The following HOMER1 variants were observed in gnomAD, a reference collection of about 807,000 sequenced individuals.
HOMER1 encodes the protein homer protein homolog 1.
Under a neutral mutation model 48.9 loss-of-function variants are expected in HOMER1, and 3 were observed. That is an observed-to-expected ratio of 0.06 (90% confidence interval 0.03 to 0.16). The LOEUF is 0.16. Among genes scored for constraint, HOMER1 ranks in the 10% least tolerant of loss-of-function variants. The pLI is 1.00. For missense variants in HOMER1, 247 were observed against 411.4 expected (o/e 0.60, Z 3.46); for synonymous variants, 134 against 146.4 (o/e 0.92, Z 0.61).
Position 79,441,495 on chromosome 5 carries a change from G to A in HOMER1, c.388-2346C>T, listed in dbSNP as rs1446400568. On this transcript the variant is annotated intron_variant, in intron 4 of 8. Coordinates refer to ENST00000334082, the MANE Select transcript of HOMER1 (RefSeq NM_004272.5). ...GGGGAGAAAGAAAGGGATAGAGGTT[G>A]TAGCAATTCCAACATCTCAAAGCAG... is the stretch of plus-strand genomic sequence containing the variant. 2.6e-5 allele frequency among the ~76,000 whole-genome samples: 4 copies of A among 152,156 alleles called. No individual in the cohort carries two copies. In the East Asian group the frequency reaches 7.7e-4, roughly 29 times the overall value.
chr5:79,383,678 C>T (rs1035019178), intron 8 of HOMER1, among the ~76,000 whole-genome samples: 39 of 152,160 alleles, frequency 2.6e-4, no homozygotes, highest in African/African-American at 8.5e-4. Context: ...GCCACCTCGC[C>T]TGGCCTACAG....
At chr5:79,409,607 A>G (rs1182193906) in intron 5 of HOMER1, among the ~76,000 whole-genome samples, 7 of 152,198 alleles carry the variant, frequency 4.6e-5, no homozygotes, top group African/African-American at 7.2e-5. Context: ...AATCCATGGA[A>G]AGAGAGAAAA....
At chr5:79,421,376 T>C (rs117270813) in intron 5 of HOMER1, among the ~76,000 whole-genome samples, 1 of 152,348 alleles carries the variant, frequency 6.6e-6, no homozygotes, top group East Asian at 1.9e-4. Context: ...CTGAAAGCTT[T>C]AGCCAGCTAC....
chr5:79,463,476 CAA>C (rs1203363170), intron 1 of HOMER1, among the ~76,000 whole-genome samples: 1 of 152,186 alleles, frequency 6.6e-6, no homozygotes, highest in Non-Finnish European at 1.5e-5. Flanking sequence ...TACGGAAAAA[CAA>C]AGACTCTGGT....
chr5:79,466,524 A>T (rs951867689), intron 1 of HOMER1, among the ~76,000 whole-genome samples: 2 of 147,182 alleles, frequency 1.4e-5, no homozygotes, highest in Non-Finnish European at 3.0e-5. Context: ...TAATAATAAT[A>T]AATAAATTAC....
intron 2 of HOMER1, 21 bp from the exon 3 acceptor site, chr5:79,451,142 G>A: frequency 6.2e-7 from 1 of 1,604,442 alleles, no homozygotes; most frequent in Non-Finnish European, 8.5e-7. Flanking sequence ...AAGCAAGTAT[G>A]AGCAACCAGC....
At chr5:79,509,265 T>G (rs1752867586) in intron 1 of HOMER1, among the ~76,000 whole-genome samples, 1 of 152,182 alleles carries the variant, frequency 6.6e-6, no homozygotes, top group Admixed American at 6.5e-5. Context: ...CATTAACAGA[T>G]TCCATTAGCA....
Position 79,421,609 on chromosome 5 carries a change from C to CT in HOMER1, c.527+17400dup, listed in dbSNP as rs548883268. On this transcript the variant is annotated intron_variant, in intron 5 of 8. Coordinates refer to ENST00000334082, the MANE Select transcript of HOMER1 (RefSeq NM_004272.5). Reference sequence around the variant, plus strand: ...ACACACACTAAACCCTGTTATTTTTCTTTTTTTTTTTTTGAGAAGGGGCCT... The same window carrying CT: ...ACACACACTAAACCCTGTTATTTTTCTTTTTTTTTTTTTTGAGAAGGGGCCT... Among the ~76,000 whole-genome samples, 747 of 142,856 alleles carry CT rather than the reference C, an allele frequency of 5.2e-3. 3 individuals carry two copies. The highest frequency in any genetic ancestry group is 8.6e-3 in the African/African-American group (339 of 39,250). The allele number at this position is 142,856 out of a possible 152,430, so 93.7% of individuals were successfully genotyped here.
chr5:79,387,090 T>TCG lies in HOMER1; in HGVS notation c.876+9732_876+9733insCG, dbSNP rs1749136883. 3.6e-5 allele frequency among the ~76,000 whole-genome samples: 5 copies of TCG among 139,822 alleles called. No individual in the cohort carries two copies. The South Asian group carries it at 1.2e-3, about 32-fold the overall frequency. 91.7% of individuals were successfully genotyped at this position (139,822 alleles called of 152,430 possible). A position where few individuals can be genotyped will look rare whatever the true frequency, so the allele number is the denominator to read the frequency against. On this transcript the variant is annotated intron_variant, in intron 8 of 8. Coordinates refer to ENST00000334082, the MANE Select transcript of HOMER1 (RefSeq NM_004272.5). Reference sequence around the variant, plus strand: ...TTCTTTCTCTATCTCTCTCTCTCTCTCTCTCTCTCTTTCTTTCACAAGGTC... The same window carrying TCG: ...TTCTTTCTCTATCTCTCTCTCTCTCTCGCTCTCTCTCTTTCTTTCACAAGGTC...
At chr5:79,492,550 G>A (rs773985363) in intron 1 of HOMER1, among the ~76,000 whole-genome samples, 5 of 151,752 alleles carry the variant, frequency 3.3e-5, no homozygotes, top group South Asian at 2.1e-4. Flanking sequence ...TGGTTCACAC[G>A]AGCGCAAGTG....
intron 1 of HOMER1, among the ~76,000 whole-genome samples, chr5:79,498,460 G>A (rs1369175144): frequency 6.6e-6 from 1 of 152,160 alleles, no homozygotes; most frequent in Non-Finnish European, 1.5e-5. Flanking sequence ...TATCACAGTT[G>A]CTAGTAGGAA....
chr5:79,416,339 TAAG>T (rs1035038978), intron 5 of HOMER1, among the ~76,000 whole-genome samples: 2 of 152,220 alleles, frequency 1.3e-5, no homozygotes, highest in African/African-American at 4.8e-5. Flanking sequence ...GAAATGATTC[TAAG>T]AAGTGGTATG....
intron 5 of HOMER1, among the ~76,000 whole-genome samples, chr5:79,422,057 T>C (rs1010606186): frequency 7.9e-5 from 12 of 151,980 alleles, no homozygotes; most frequent in Non-Finnish European, 1.5e-4. Context: ...TGAAACCCTA[T>C]CTCTAAGAAA....
chr5:79,470,673 T>C (rs1751591562), intron 1 of HOMER1, among the ~76,000 whole-genome samples: 1 of 152,152 alleles, frequency 6.6e-6, no homozygotes, highest in Non-Finnish European at 1.5e-5. Flanking sequence ...ATGACTAAAT[T>C]CAATGTTAGT....
chr5:79,383,866 A>T (rs914862322), intron 8 of HOMER1, among the ~76,000 whole-genome samples: 1 of 152,194 alleles, frequency 6.6e-6, no homozygotes, highest in Non-Finnish European at 1.5e-5. Flanking sequence ...TGTGGAAACT[A>T]TACAAATATA....
chr5:79,384,126 C>T (rs1363697057), intron 8 of HOMER1, among the ~76,000 whole-genome samples: 1 of 147,434 alleles, frequency 6.8e-6, no homozygotes. Flanking sequence ...AAAAAACCAC[C>T]AAACCTCAAA....
rs10527802 is a variant in HOMER1, at chr5:79,491,075, C to CAAAA, written c.5+21691_5+21694dup. On this transcript the variant is annotated intron_variant, in intron 1 of 8. Transcript: ENST00000334082. ...TTTTTGGCCTTCAGTAGTACCAAAGCAAAAAAAAAAAAAAAAAAAAAAAAA... is the reference window on the plus strand; with the variant it reads ...TTTTTGGCCTTCAGTAGTACCAAAGCAAAAAAAAAAAAAAAAAAAAAAAAAAAAA... 3.0e-3 allele frequency among the ~76,000 whole-genome samples: 112 copies of CAAAA among 37,240 alleles called. 18 individuals are homozygous for CAAAA. Among genetic ancestry groups the CAAAA allele is most frequent in the Non-Finnish European group, 6.1e-3 (77 of 12,696 alleles). The allele number at this position is 37,240 out of a possible 152,430, so 24.4% of individuals were successfully genotyped here.
intron 1 of HOMER1, among the ~76,000 whole-genome samples, chr5:79,482,693 A>C (rs575155098): frequency 1.3e-5 from 2 of 152,102 alleles, no homozygotes; most frequent in Non-Finnish European, 2.9e-5. Flanking sequence ...AAGTCCTCAA[A>C]AGTGGGAAGG....
chr5:79,398,308 T>TACACACAC (rs139315456), intron 6 of HOMER1, among the ~76,000 whole-genome samples: 134 of 149,564 alleles, frequency 9.0e-4, no homozygotes, highest in Admixed American at 5.3e-3. Flanking sequence ...TCAATATAAA[T>TACACACAC]ACACACACAC....
Sources: allele counts gnomAD v4.1 joint callset (sites outside exome capture counted in the v4.1 genomes callset), GRCh38; gene constraint gnomAD v4.1.1; transcripts MANE v1.5; gene names NCBI Gene and HGNC (gene_info 2026-07-23, HGNC 2026-07-21).